TMEM217: variants seen among roughly 807,000 people sequenced by gnomAD.
TMEM217 encodes transmembrane protein 217.
For missense variants in TMEM217, 204 were observed against 248.8 expected (o/e 0.82, Z 1.21); for synonymous variants, 76 against 88.3 (o/e 0.86, Z 0.78).
intron 1 of TMEM217, among the ~76,000 whole-genome samples, chr6:37,227,646 A>T (rs1349853828): frequency 7.3e-5 from 11 of 151,694 alleles, no homozygotes; most frequent in Admixed American, 7.2e-4. Context: ...GGGTTTCATC[A>T]TGCTGTCCAG....
chr6:37,238,015 A>C (rs2113876588), intron 1 of TMEM217, among the ~76,000 whole-genome samples: 1 of 152,302 alleles, frequency 6.6e-6, no homozygotes. Context: ...TATTTTGGAC[A>C]GGGGATTTGA....
intron 1 of TMEM217, among the ~76,000 whole-genome samples, chr6:37,232,037 T>C (rs1187836738): frequency 1.3e-5 from 2 of 152,152 alleles, no homozygotes; most frequent in African/African-American, 4.8e-5. Flanking sequence ...TACCTGAAAC[T>C]GGGCAGCTGA....
At chr6:37,217,209 G>A (rs1291014873), downstream of TMEM217, among the ~76,000 whole-genome samples, 3 of 152,202 alleles carry the variant, frequency 2.0e-5, no homozygotes, top group East Asian at 1.9e-4. Flanking sequence ...CTGGAGAATC[G>A]CTTAAACCCG....
At chr6:37,229,375 C>T (rs894352291) in intron 1 of TMEM217, among the ~76,000 whole-genome samples, 3 of 114,030 alleles carry the variant, frequency 2.6e-5, no homozygotes, top group African/African-American at 1.0e-4. Context: ...CAGTGTCTCG[C>T]TCTGTCGCCC....
chr6:37,226,240 TTTTTG>T lies in TMEM217; in HGVS notation c.-11-7204_-11-7200del, dbSNP rs760143444. On this transcript the variant is annotated intron_variant, in intron 1 of 1. Coordinates refer to ENST00000357219, the Ensembl canonical transcript of TMEM217. The stretch of plus-strand genomic sequence containing the variant: ...TTTATCTCAAGATCACCATTCTCTT[TTTTTG>T]TTTTGTTTTGTTTTATTTTGTTTTT... Among the ~76,000 whole-genome samples the T allele has an allele frequency of 6.4e-3, 974 of 151,286 alleles. 1 individual carries two copies. The highest frequency in any genetic ancestry group is 0.01 in the Non-Finnish European group (707 of 67,816).
chr6:37,238,169 A>AC (rs1764590276), intron 1 of TMEM217, among the ~76,000 whole-genome samples: 1 of 149,832 alleles, frequency 6.7e-6, no homozygotes, highest in Non-Finnish European at 1.5e-5. Context: ...AAAACACTGA[A>AC]AAAAAAAAAC....
chr6:37,212,869 T>C (rs1191153153), downstream of TMEM217: 3 of 1,462,870 alleles, frequency 2.1e-6, no homozygotes, highest in Non-Finnish European at 1.9e-6. Context: ...CTTGGCCTCA[T>C]AGCAAATGTG....
intron 1 of TMEM217, among the ~76,000 whole-genome samples, chr6:37,254,446 T>A (rs1765604445): frequency 6.6e-6 from 1 of 152,164 alleles, no homozygotes; most frequent in Non-Finnish European, 1.5e-5. Flanking sequence ...CCCTCCCTCA[T>A]CATTCCAGGT....
chr6:37,241,454 A>G (rs543107796), intron 1 of TMEM217, among the ~76,000 whole-genome samples: 199 of 152,250 alleles, frequency 1.3e-3, no homozygotes, highest in African/African-American at 4.7e-3. Flanking sequence ...CCTGAGCACT[A>G]GGGATTCTGT....
chr6:37,212,615 T>G (rs1409595845), exon 4 of TMEM217: 1 of 499,234 alleles, frequency 2.0e-6, no homozygotes, highest in East Asian at 5.5e-5. Flanking sequence ...TGCAAATAAC[T>G]CAGCGTCTTG....
At chr6:37,256,044 G>A (rs1765707287) in intron 1 of TMEM217, among the ~76,000 whole-genome samples, 2 of 152,184 alleles carry the variant, frequency 1.3e-5, no homozygotes, top group Non-Finnish European at 2.9e-5. Flanking sequence ...TTTGAGATAT[G>A]TCTAGATACA....
intron 1 of TMEM217, among the ~76,000 whole-genome samples, chr6:37,220,655 G>T (rs1188933670): frequency 6.6e-6 from 1 of 151,756 alleles, no homozygotes. Flanking sequence ...CTAAGTGTCT[G>T]GCAGAAGCAA....
chr6:37,214,258 T>C (rs1422173103), downstream of TMEM217, among the ~76,000 whole-genome samples: 3 of 152,110 alleles, frequency 2.0e-5, no homozygotes, highest in African/African-American at 4.8e-5. Context: ...GACAGAGTCT[T>C]GCTCTGTCAC....
In TMEM217 at chr6:37,218,606, CAGAAACAGTGCATGACT is replaced by C; in HGVS notation, c.408_424del (p.Val137AspfsTer38). ...GGCATAGTTGATGACAAAGAACATCCAGAAACAGTGCATGACTGTACGAGACACCAAGCCAAACCAGC... is the reference window on the plus strand; with the variant it reads ...GGCATAGTTGATGACAAAGAACATCCGTACGAGACACCAAGCCAAACCAGC... On this transcript the variant is annotated frameshift_variant, in exon 2 of 2. Coordinates refer to ENST00000357219, the Ensembl canonical transcript of TMEM217. LOFTEE classifies it low-confidence loss of function (END_TRUNC). The C allele has an allele frequency of 6.2e-7, 1 of 1,614,166 alleles. No individual in the cohort carries two copies. Among genetic ancestry groups the C allele is most frequent in the Non-Finnish European group, 8.5e-7 (1 of 1,180,040 alleles).
downstream of TMEM217, among the ~76,000 whole-genome samples, chr6:37,217,490 C>T (rs1325295999): frequency 1.3e-5 from 2 of 152,148 alleles, no homozygotes; most frequent in Non-Finnish European, 2.9e-5. Context: ...ACAGTATATA[C>T]ACAATGTTCA....
At chr6:37,239,947 TA>T (rs1227347807) in intron 1 of TMEM217, among the ~76,000 whole-genome samples, 2 of 150,804 alleles carry the variant, frequency 1.3e-5, no homozygotes, top group African/African-American at 4.9e-5. Context: ...ACTCAAACAA[TA>T]GTAGTTTAAA....
At chr6:37,242,001 G>T (rs763214304) in intron 1 of TMEM217, among the ~76,000 whole-genome samples, 1 of 148,884 alleles carries the variant, frequency 6.7e-6, no homozygotes, top group Non-Finnish European at 1.5e-5. Context: ...GGAAAAATTC[G>T]ATCTCAATTT....
chr6:37,235,556 T>C lies in TMEM217; in HGVS notation c.-11-16515A>G, dbSNP rs571522321. 4.0e-5 allele frequency among the ~76,000 whole-genome samples: 6 copies of C among 151,860 alleles called. No individual in the cohort carries two copies. In the South Asian group the frequency reaches 8.3e-4, roughly 21 times the overall value. On this transcript the variant is annotated intron_variant, in intron 1 of 1. Coordinates refer to ENST00000357219, the Ensembl canonical transcript of TMEM217. ...AATTTTTTCTATTTTTTAGTAGAGA[T>C]GGGGTTTCACCATGTTAGCCAGGAT... is the stretch of plus-strand genomic sequence containing the variant.
intron 1 of TMEM217, among the ~76,000 whole-genome samples, chr6:37,227,803 T>TA (rs1763930169): frequency 6.6e-6 from 1 of 151,822 alleles, no homozygotes; most frequent in South Asian, 2.1e-4. Context: ...TCATCTGACT[T>TA]ACATGCTTAC....
Sources: allele counts gnomAD v4.1 joint callset (sites outside exome capture counted in the v4.1 genomes callset), GRCh38; gene constraint gnomAD v4.1.1; transcripts MANE v1.5; gene names NCBI Gene and HGNC (gene_info 2026-07-23, HGNC 2026-07-21).